Variants in DNAJB13 observed in about 807,000 individuals in gnomAD.
DNAJB13 encodes DnaJ heat shock protein family (Hsp40) member B13.
Under a neutral mutation model 35.6 loss-of-function variants are expected in DNAJB13, and 22 were observed. The observed-to-expected ratio is 0.62, with a 90% CI of 0.44 to 0.88. The LOEUF (loss-of-function observed/expected upper bound fraction) is 0.88, where lower values mean the gene tolerates loss of function less well. Ranked by LOEUF, DNAJB13 falls within the 40% of genes least tolerant of loss-of-function variation. The pLI is 0.00. For missense variants in DNAJB13, 370 were observed against 384.3 expected (o/e 0.96, Z 0.31); for synonymous variants, 136 against 144.2 (o/e 0.94, Z 0.41).
chr11:73,964,053 T>C (rs1416613870), intron 3 of DNAJB13: 1 of 152,190 alleles, frequency 6.6e-6, no homozygotes, highest in Non-Finnish European at 1.5e-5. Flanking sequence ...TGACGCATAG[T>C]AAGCTCTCAG....
At chr11:73,951,875 A>G (rs1287332485) in intron 1 of DNAJB13, among the ~76,000 whole-genome samples, 1 of 151,468 alleles carries the variant, frequency 6.6e-6, no homozygotes, top group Admixed American at 6.6e-5. Context: ...CAAATTCCCG[A>G]CCTCTGGTGA....
intron 1 of DNAJB13, among the ~76,000 whole-genome samples, chr11:73,956,550 C>A (rs1950747482): frequency 6.6e-6 from 1 of 152,092 alleles, no homozygotes; most frequent in African/African-American, 2.4e-5. Flanking sequence ...TGCCTGTAAT[C>A]CTAGCATTTT....
At chr11:73,961,820 T>C (rs1178055777) in intron 3 of DNAJB13, among the ~76,000 whole-genome samples, 1 of 152,198 alleles carries the variant, frequency 6.6e-6, no homozygotes, top group Admixed American at 6.5e-5. Context: ...ATTAAAGTCT[T>C]GCTCTGTTGC....
intron 6 of DNAJB13, among the ~76,000 whole-genome samples, chr11:73,968,975 G>A (rs751159889): frequency 6.6e-5 from 10 of 152,128 alleles, no homozygotes; most frequent in Non-Finnish European, 1.2e-4. Context: ...ACTCCTGAAT[G>A]GTTTAGGGGC....
At chr11:73,959,814 G>A (rs1306339564) in intron 3 of DNAJB13, 159 bp downstream of exon 3, 4 of 700,304 alleles carry the variant, frequency 5.7e-6, no homozygotes, top group Non-Finnish European at 8.1e-6. Flanking sequence ...CCAGGCTGGA[G>A]TGCAGTAGTG....
At chr11:73,966,525 G>T (rs976541072) in intron 5 of DNAJB13, among the ~76,000 whole-genome samples, 5 of 152,008 alleles carry the variant, frequency 3.3e-5, no homozygotes, top group Admixed American at 1.3e-4. Flanking sequence ...AAAGGGACTT[G>T]CCCAGGGCAA....
rs1951110486 is a variant in DNAJB13 at position 73,966,192 on chromosome 11, G to A, written c.547G>A (p.Asp183Asn). The A allele has an allele frequency of 1.9e-6, 3 of 1,613,860 alleles. No homozygotes were observed. Among genetic ancestry groups the A allele is most frequent in the Non-Finnish European group, 2.5e-6 (3 of 1,179,972 alleles). Reference sequence around the variant, plus strand: ...CATCAAGGACAAGATCCTGACCATTGATGTGAAGCCCGGTTGGAGGCAGGG... The same window carrying A: ...CATCAAGGACAAGATCCTGACCATTAATGTGAAGCCCGGTTGGAGGCAGGG... ...STIKDKILTI[D>N]VKPGWRQGTR... The change falls in exon 5 of 8, where the codon GAT (aspartate) becomes AAT (asparagine). Residue 183 changes from aspartate (D) to asparagine (N), a missense_variant. Physicochemically the swap from Asp to Asn is conservative, Grantham distance 23 (BLOSUM62 1). Coordinates refer to ENST00000339764, the MANE Select transcript of DNAJB13 (RefSeq NM_153614.4).
chr11:73,961,006 G>C (rs568746961), intron 3 of DNAJB13, among the ~76,000 whole-genome samples: 4 of 152,182 alleles, frequency 2.6e-5, no homozygotes, highest in African/African-American at 7.2e-5. Context: ...AATCACCGAG[G>C]CCAGGTGTGG....
intron 3 of DNAJB13, 138 bp downstream of exon 3, chr11:73,959,793 C>T (rs1950876692): frequency 2.3e-6 from 2 of 888,054 alleles, no homozygotes; most frequent in Non-Finnish European, 3.1e-6. Flanking sequence ...GATGGAGACT[C>T]ACTCTGTTTC....
At chr11:73,969,750 AAAG>A (rs1951228505) in intron 7 of DNAJB13, among the ~76,000 whole-genome samples, 2 of 106,088 alleles carry the variant, frequency 1.9e-5, no homozygotes, top group African/African-American at 8.3e-5. Context: ...TGTCTTAAAC[AAAG>A]TTTCTGGAAT....
At chr11:73,951,873 C>T (rs1591164132) in intron 1 of DNAJB13, among the ~76,000 whole-genome samples, 1 of 152,060 alleles carries the variant, frequency 6.6e-6, no homozygotes, top group Non-Finnish European at 1.5e-5. Context: ...CTCAAATTCC[C>T]GACCTCTGGT....
At chr11:73,951,371 C>T (rs1950581483) in intron 1 of DNAJB13, among the ~76,000 whole-genome samples, 1 of 152,166 alleles carries the variant, frequency 6.6e-6, no homozygotes, top group Non-Finnish European at 1.5e-5. Context: ...TGCTCCATGC[C>T]CTATATCCTC....
intron 5 of DNAJB13, 131 bp downstream of exon 5, chr11:73,966,382 C>T (rs1951116665): frequency 1.3e-6 from 1 of 793,076 alleles, no homozygotes; most frequent in South Asian, 1.6e-5. Flanking sequence ...AGAGCCCAGT[C>T]TGCAGAGTGG....
intron 1 of DNAJB13, 58 bp from the exon 2 acceptor site, chr11:73,958,259 G>A: frequency 6.4e-7 from 1 of 1,568,552 alleles, no homozygotes; most frequent in Non-Finnish European, 8.8e-7. Flanking sequence ...TCTGAACTCT[G>A]GTCCGCCCTC....
At chr11:73,957,419 T>A (rs1950781839) in intron 1 of DNAJB13, among the ~76,000 whole-genome samples, 1 of 152,092 alleles carries the variant, frequency 6.6e-6, no homozygotes, top group Non-Finnish European at 1.5e-5. Context: ...GGGCGAATGG[T>A]CCCTTTATTA....
intron 1 of DNAJB13, among the ~76,000 whole-genome samples, chr11:73,958,081 CA>C (rs1950809553): frequency 6.6e-6 from 1 of 152,210 alleles, no homozygotes; most frequent in Non-Finnish European, 1.5e-5. Flanking sequence ...AGCTCAGGGG[CA>C]GTTGCTTCAG....
chr11:73,968,385 AG>A lies in DNAJB13; in HGVS notation c.649del (p.Glu217ArgfsTer17), dbSNP rs746507045. 6.2e-7 allele frequency: 1 copy of A among 1,614,154 alleles called. No homozygotes were observed. The highest frequency in any genetic ancestry group is 1.1e-5 in the South Asian group (1 of 91,078). Reference protein sequence around the residue: ...IIPADIIFIVKEKLHPRFRRE... With the variant: ...IIPADIIFIVXEKLHPRFRRE... ...CCAGCAGACATCATTTTCATCGTAA[AG>A]GAGAAGCTACACCCTCGCTTCCGCA... On this transcript the variant is annotated frameshift_variant, in exon 6 of 8. Transcript: ENST00000339764. LOFTEE classifies it high-confidence loss of function.
At chr11:73,951,629 C>G (rs1274535505) in intron 1 of DNAJB13, among the ~76,000 whole-genome samples, 1 of 152,126 alleles carries the variant, frequency 6.6e-6, no homozygotes, top group Non-Finnish European at 1.5e-5. Flanking sequence ...GGAGTCAGTA[C>G]ATTTTTCTGA....
intron 5 of DNAJB13, 93 bp downstream of exon 5, chr11:73,966,344 T>C: frequency 8.2e-7 from 1 of 1,213,856 alleles, no homozygotes; most frequent in South Asian, 1.3e-5. Flanking sequence ...CAATACTTTT[T>C]CCTGCCCCTG....
Sources: allele counts gnomAD v4.1 joint callset (sites outside exome capture counted in the v4.1 genomes callset), GRCh38; gene constraint gnomAD v4.1.1; transcripts MANE v1.5; gene names NCBI Gene and HGNC (gene_info 2026-07-23, HGNC 2026-07-21).